TENM2: variants seen among roughly 807,000 people sequenced by gnomAD.
TENM2 encodes teneurin transmembrane protein 2, also known as teneurin-2.
In TENM2, 52 loss-of-function variants were observed where a neutral mutation model predicts 245.2. That is an observed-to-expected ratio of 0.21 (90% CI 0.17 to 0.27). The LOEUF is 0.27. Ranked by LOEUF, TENM2 falls within the 10% of genes least tolerant of loss-of-function variation. The pLI, the probability that TENM2 is intolerant of heterozygous loss-of-function variation, is 1.00. For synonymous variants in TENM2, 1,363 were observed against 1,438.9 expected, an observed-to-expected ratio of 0.95 and a Z score of 1.19; for missense variants, 3,046 against 3,666.8, an observed-to-expected ratio of 0.83 and a Z score of 4.37.
At chr5:167,668,649 GA>G (rs1755729760) in intron 2 of TENM2, among the ~76,000 whole-genome samples, 1 of 152,126 alleles carries the variant, frequency 6.6e-6, no homozygotes, top group African/African-American at 2.4e-5. Flanking sequence ...GAATGATGTG[GA>G]AATTTCTGAT....
chr5:167,713,368 G>T (rs559695399), intron 2 of TENM2, among the ~76,000 whole-genome samples: 5 of 150,716 alleles, frequency 3.3e-5, no homozygotes, highest in South Asian at 2.2e-4. Flanking sequence ...GGCTGAGAGC[G>T]CTCTCACTTC....
chr5:168,199,740 GT>G, intron 16 of TENM2, 123 bp from the exon 19 acceptor site: 1 of 1,013,422 alleles, frequency 9.9e-7, no homozygotes, highest in South Asian at 1.6e-5. Flanking sequence ...GTGGTAAGTG[GT>G]TCTTGCACCC....
intron 2 of TENM2, among the ~76,000 whole-genome samples, chr5:167,493,007 A>T (rs1343142088): frequency 1.3e-5 from 2 of 152,130 alleles, no homozygotes; most frequent in African/African-American, 4.8e-5. Flanking sequence ...ATAGAGTTTG[A>T]GCATGGATTA....
intron 5 of TENM2, among the ~76,000 whole-genome samples, chr5:168,027,259 T>C (rs79135249): frequency 2.0e-5 from 3 of 152,100 alleles, no homozygotes; most frequent in Non-Finnish European, 4.4e-5. Flanking sequence ...TCTGAGATCA[T>C]TGGCACTTCA....
chr5:168,135,878 G>A (rs1173265988), intron 12 of TENM2, among the ~76,000 whole-genome samples: 1 of 152,080 alleles, frequency 6.6e-6, no homozygotes, highest in African/African-American at 2.4e-5. Flanking sequence ...TGTTTTTTTG[G>A]TTTTGGGTTT....
chr5:167,866,733 C>G (rs1772358172), intron 2 of TENM2, among the ~76,000 whole-genome samples: 1 of 151,992 alleles, frequency 6.6e-6, no homozygotes, highest in African/African-American at 2.4e-5. Context: ...TGTGTGCATT[C>G]AGAAAGATGT....
Position 167,845,855 on chromosome 5 carries a change from A to G in TENM2, c.503-30131A>G, listed in dbSNP as rs556647613. ...CACATTGAAAACAGAAGCATCAGAAAGTCAACTAAACTTGTTAGATGGAGG... is the reference window on the plus strand; with the variant it reads ...CACATTGAAAACAGAAGCATCAGAAGGTCAACTAAACTTGTTAGATGGAGG... On this transcript the variant is annotated intron_variant, in intron 2 of 28. Transcript: ENST00000518659. Among the ~76,000 whole-genome samples, 496 of 152,320 alleles carry G rather than the reference A, an allele frequency of 3.3e-3. 2 individuals are homozygous for G. Among genetic ancestry groups the G allele is most frequent in the African/African-American group, 0.011 (469 of 41,554 alleles).
chr5:167,385,372 A>G (rs141873625), intron 2 of TENM2, among the ~76,000 whole-genome samples: 1 of 140,276 alleles, frequency 7.1e-6, no homozygotes, highest in African/African-American at 2.7e-5. Flanking sequence ...AAAGAGATCT[A>G]TTTTTTTTCA....
At chr5:167,702,767 C>T (rs1226300389) in intron 2 of TENM2, among the ~76,000 whole-genome samples, 2 of 151,938 alleles carry the variant, frequency 1.3e-5, no homozygotes, top group South Asian at 2.1e-4. Flanking sequence ...TGGGCTCAAG[C>T]GATTCTCCTG....
the TENM2 span, among the ~76,000 whole-genome samples, chr5:167,109,031 TA>T: frequency 2.6e-5 from 4 of 152,208 alleles, no homozygotes; most frequent in African/African-American, 9.6e-5. Context: ...AAGGAATTTC[TA>T]ATGAAAAGGC....
the TENM2 span, among the ~76,000 whole-genome samples, chr5:167,000,001 A>G: frequency 1.3e-5 from 2 of 152,158 alleles, no homozygotes; most frequent in Non-Finnish European, 2.9e-5. Flanking sequence ...TGTAAGAGGA[A>G]TGTTGTAAAA....
At chr5:167,689,446 G>GT (rs1449825098) in intron 2 of TENM2, among the ~76,000 whole-genome samples, 1 of 152,228 alleles carries the variant, frequency 6.6e-6, no homozygotes, top group Non-Finnish European at 1.5e-5. Context: ...GGGATAGCCA[G>GT]TATGGCCCTC....
At chr5:168,150,655 A>C (rs1163937773) in intron 12 of TENM2, among the ~76,000 whole-genome samples, 2 of 152,170 alleles carry the variant, frequency 1.3e-5, no homozygotes, top group African/African-American at 4.8e-5. Flanking sequence ...TCTCTCCCTA[A>C]AGGGAAATCT....
chr5:168,058,874 A>G (rs143264869), intron 6 of TENM2, among the ~76,000 whole-genome samples: 5 of 152,078 alleles, frequency 3.3e-5, no homozygotes, highest in African/African-American at 1.2e-4. Context: ...GTGTGCTTCT[A>G]CTTGTTACAC....
intron 1 of TENM2, among the ~76,000 whole-genome samples, chr5:167,298,025 G>A (rs1755059172): frequency 6.6e-6 from 1 of 152,066 alleles, no homozygotes; most frequent in Admixed American, 6.5e-5. Context: ...GGCTTAGCTT[G>A]GGCTCAGAGG....
chr5:167,801,527 A>G (rs1172411283), intron 2 of TENM2, among the ~76,000 whole-genome samples: 1 of 152,144 alleles, frequency 6.6e-6, no homozygotes, highest in African/African-American at 2.4e-5. Context: ...GAATGGAGCT[A>G]GTACAAAGAA....
intron 2 of TENM2, among the ~76,000 whole-genome samples, chr5:167,705,720 CAA>C (rs767860938): frequency 2.0e-5 from 3 of 151,944 alleles, no homozygotes; most frequent in Admixed American, 6.6e-5. Flanking sequence ...AAAAATACAT[CAA>C]GTTTCATCAT....
chr5:168,072,783 T>G (rs755603338), intron 7 of TENM2, among the ~76,000 whole-genome samples: 56 of 152,162 alleles, frequency 3.7e-4, no homozygotes, highest in Non-Finnish European at 7.1e-4. Context: ...AAGCACCCCA[T>G]GGAGATGAAT....
upstream of TENM2, among the ~76,000 whole-genome samples, chr5:167,281,652 C>T (rs535174407): frequency 5.9e-5 from 9 of 152,300 alleles, no homozygotes; most frequent in South Asian, 1.5e-3. Context: ...TGAGCAACCA[C>T]ATTAGATGTC....
Sources: allele counts gnomAD v4.1 joint callset (sites outside exome capture counted in the v4.1 genomes callset), GRCh38; gene constraint gnomAD v4.1.1; transcripts MANE v1.5; gene names NCBI Gene and HGNC (gene_info 2026-07-23, HGNC 2026-07-21).